Variants in DIP2A observed in about 807,000 individuals in gnomAD.
DIP2A encodes the protein DIP2 acetate--CoA ligase A.
In DIP2A, 85 loss-of-function variants were observed where a neutral mutation model predicts 177.4. That is an observed-to-expected ratio of 0.48 (90% CI 0.40 to 0.57). The LOEUF (loss-of-function observed/expected upper bound fraction) is 0.57, where lower values mean the gene tolerates loss of function less well. Ranked by LOEUF, DIP2A falls within the 20% of genes least tolerant of loss-of-function variation. The pLI is 0.00. For synonymous variants in DIP2A, 886 were observed against 881.8 expected (o/e 1.00, Z -0.08); for missense variants, 1,791 against 2,100.2 (o/e 0.85, Z 2.88).
intron 25 of DIP2A, 168 bp from the exon 26 acceptor site, chr21:46,554,001 C>CA (rs2060363540): frequency 1.4e-4 from 128 of 892,452 alleles, no homozygotes; most frequent in Non-Finnish European, 1.6e-4. Flanking sequence ...CCATCTCTAC[C>CA]AAAAAAAAGA....
chr21:46,572,972 C>T (rs965773382), downstream of DIP2A, among the ~76,000 whole-genome samples: 1 of 151,994 alleles, frequency 6.6e-6, no homozygotes, highest in Non-Finnish European at 1.5e-5. Flanking sequence ...TATCATATAG[C>T]CTAGGTGTGT....
intron 8 of DIP2A, among the ~76,000 whole-genome samples, chr21:46,527,016 T>TAAGTTTGTTTCTTAA (rs201811008): frequency 0.019 from 2,884 of 152,288 alleles, 84 homozygotes; most frequent in African/African-American, 0.065. Flanking sequence ...TGTTTCCTTT[T>TAAGTTTGTTTCTTAA]ATTCTGAGTT....
chr21:46,552,802 T>C (rs796957324), intron 25 of DIP2A: 3 of 152,334 alleles, frequency 2.0e-5, no homozygotes, highest in African/African-American at 7.2e-5. Context: ...TCTAGAACCA[T>C]GCCCAGTAAA....
At chr21:46,582,682 A>T in the DIP2A span, among the ~76,000 whole-genome samples, 1 of 151,688 alleles carries the variant, frequency 6.6e-6, no homozygotes, top group African/African-American at 2.4e-5. Flanking sequence ...CCTCAGCTGA[A>T]GGTGCAGGAT....
intron 23 of DIP2A, among the ~76,000 whole-genome samples, chr21:46,551,392 G>A (rs1270180302): frequency 3.3e-5 from 5 of 152,082 alleles, no homozygotes; most frequent in Admixed American, 6.5e-5. Context: ...AGGCCAAATC[G>A]TATCCTCTGA....
rs116065966 is a variant in DIP2A at position 46,474,311 on chromosome 21, T to C, written c.92-10446T>C. Among the ~76,000 whole-genome samples the C allele has an allele frequency of 1.8e-3, 275 of 152,282 alleles. 1 individual carries two copies. Among genetic ancestry groups the C allele is most frequent in the African/African-American group, 6.3e-3 (261 of 41,548 alleles). On this transcript the variant is annotated intron_variant, in intron 1 of 37. Coordinates refer to ENST00000417564, the MANE Select transcript of DIP2A (RefSeq NM_015151.4). ...TTGGATATATGAGTCTAGTACTTTC[T>C]AGAAAGGGCTAGGCTAGTAATTTGG...
intron 3 of DIP2A, among the ~76,000 whole-genome samples, chr21:46,495,248 C>CTTCTCTTCTCTTCTCTTCTT (rs1470078371): frequency 3.9e-5 from 3 of 77,560 alleles, no homozygotes; most frequent in African/African-American, 8.0e-5. Flanking sequence ...TCTTCTTTCT[C>CTTCTCTTCTCTTCTCTTCTT]TCTCTCTCTC....
rs117694334 is a variant in DIP2A, at chr21:46,461,766, A to G, written c.91+2544A>G. On this transcript the variant is annotated intron_variant, in intron 1 of 37. Transcript: ENST00000417564. ...TTAAGCTGAGAAAGGGGGTAAACAA[A>G]AAAAGTATTGAGCCCAGAAATGGTG... Among the ~76,000 whole-genome samples, 149 of 152,272 alleles carry G rather than the reference A, an allele frequency of 9.8e-4. 2 individuals carry two copies. The East Asian group carries it at 0.025, about 25-fold the overall frequency.
intron 7 of DIP2A, 78 bp downstream of exon 7, chr21:46,509,454 A>G (rs1460744192): frequency 1.8e-5 from 28 of 1,513,596 alleles, no homozygotes; most frequent in Non-Finnish European, 2.3e-5. Flanking sequence ...AGGCAAATGT[A>G]TATTATACAT....
chr21:46,514,466 AGTTATCTCACTAAGTT>A lies in DIP2A; in HGVS notation c.1102+2853_1102+2868del, dbSNP rs1601610360. ...AAAAAAAAATGATGACTTTGTATCC[AGTTATCTCACTAAGTT>A]AACTTATTAGTTCTTTGTTTACTCA... is the stretch of plus-strand genomic sequence containing the variant. On this transcript the variant is annotated intron_variant, in intron 8 of 37. Coordinates refer to ENST00000417564, the MANE Select transcript of DIP2A (RefSeq NM_015151.4). 2.0e-5 allele frequency among the ~76,000 whole-genome samples: 3 copies of A among 151,970 alleles called. No individual in the cohort carries two copies. The East Asian group carries it at 5.8e-4, about 29-fold the overall frequency.
In DIP2A at chr21:46,490,715, G is replaced by T. The variant is rs557702816; in HGVS notation, c.279G>T (p.Arg93=). 4.5e-6 allele frequency: 7 copies of T among 1,572,882 alleles called. No individual in the cohort carries two copies. In the Admixed American group the frequency reaches 5.6e-5, roughly 13 times the overall value. ...CCGCCTCGAGGGATGAGCGCTTCCG[G>T]TCAGGTAGGGTCACAGCCTAGGCAG... is the stretch of plus-strand genomic sequence containing the variant. The part of the protein sequence containing the change: ...RPTASRDERF[R]SDVHTEAVQA... The change falls in exon 3 of 38, where the codon CGG becomes CGT. Residue 93 remains arginine, a synonymous_variant. Transcript: ENST00000417564.
rs377064083 is a variant in DIP2A, at chr21:46,566,563, G to A, written c.4343G>A (p.Arg1448Gln). 4.1e-5 allele frequency: 66 copies of A among 1,613,922 alleles called. No homozygotes were observed. In the South Asian group the frequency reaches 4.2e-4, roughly 10 times the overall value. The change falls in exon 37 of 38, where the codon CGG becomes CAG. Residue 1448 changes from arginine (R) to glutamine (Q), a missense_variant. Physicochemically the swap from Arg to Gln is conservative, Grantham distance 43 (BLOSUM62 1). Coordinates refer to ENST00000417564, the MANE Select transcript of DIP2A (RefSeq NM_015151.4). ...TGTAAACACACACTGTTCACAGGGCGGCACGATGCACTGTATGTGGTTGGG... is the reference window on the plus strand; with the variant it reads ...TGTAAACACACACTGTTCACAGGGCAGCACGATGCACTGTATGTGGTTGGG... ...RTELTDASGGRHDALYVVGSL... is the reference protein window; with the variant it reads ...RTELTDASGGQHDALYVVGSL...
At chr21:46,531,022 A>G (rs527568421) in intron 9 of DIP2A, among the ~76,000 whole-genome samples, 1 of 152,292 alleles carries the variant, frequency 6.6e-6, no homozygotes, top group African/African-American at 2.4e-5. Context: ...TTTGGCTCGC[A>G]AGCACTTTCT....
In DIP2A at chr21:46,511,410, C is replaced by T. The variant is rs2058306544; in HGVS notation, c.905-7C>T. On this transcript the variant is annotated splice_polypyrimidine_tract_variant and splice_region_variant and intron_variant, in intron 7 of 37. Coordinates refer to ENST00000417564, the MANE Select transcript of DIP2A (RefSeq NM_015151.4). ...TGCTGATTTTAAAGTTTTGATTTTG[C>T]TTGTAGTTCAGCAACCAGATCCAAA... 1 of 1,601,950 alleles carries T rather than the reference C, an allele frequency of 6.2e-7. No individual in the cohort carries two copies.
intron 5 of DIP2A, among the ~76,000 whole-genome samples, chr21:46,502,693 C>T (rs1251615999): frequency 6.6e-6 from 1 of 152,002 alleles, no homozygotes; most frequent in Non-Finnish European, 1.5e-5. Flanking sequence ...GCTGATCTGC[C>T]CGCCTTGACC....
intron 34 of DIP2A, among the ~76,000 whole-genome samples, chr21:46,562,319 C>T (rs2060693599): frequency 6.6e-6 from 1 of 152,228 alleles, no homozygotes. Flanking sequence ...AGGCACAGAA[C>T]AGCATCCTCT....
At position 46,556,878 on chromosome 21, in the gene DIP2A, A is replaced by G; in HGVS notation, c.3499-61A>G. Reference sequence around the variant, plus strand: ...ATGTGAACAGCGGACACTGCCATCCACCCTCTCCCCTCCTGAATTTCATTT... The same window carrying G: ...ATGTGAACAGCGGACACTGCCATCCGCCCTCTCCCCTCCTGAATTTCATTT... On this transcript the variant is annotated intron_variant, in intron 29 of 37. Transcript: ENST00000417564. The surrounding 1 kb of genome is among the most constrained non-coding windows in gnomAD (Gnocchi z 4.5). The G allele has an allele frequency of 4.4e-6, 6 of 1,376,406 alleles. No homozygotes were observed. The highest frequency in any genetic ancestry group is 2.5e-5 in the East Asian group (1 of 39,616). The allele number at this position is 1,376,406 out of a possible 1,614,324, so 85.3% of individuals were successfully genotyped here.
Position 46,504,459 on chromosome 21 carries a change from T to TGCA in DIP2A, c.757_759dup (p.Ser253dup). ...TTCTGTGAGAAGTGTTCCTCGGGGG[T>TGCA]GCAGCGGGAGCATGCTGGAAACAGC... On this transcript the variant is annotated inframe_insertion, in exon 6 of 38. Transcript: ENST00000417564. 1 of 1,612,546 alleles carries TGCA rather than the reference T, an allele frequency of 6.2e-7. No individual in the cohort carries two copies. The highest frequency in any genetic ancestry group is 1.7e-5 in the Admixed American group (1 of 59,956).
intron 6 of DIP2A, among the ~76,000 whole-genome samples, chr21:46,508,042 A>G (rs1023270673): frequency 4.5e-5 from 6 of 134,218 alleles, no homozygotes; most frequent in African/African-American, 1.6e-4. Context: ...CCAGCCCCCC[A>G]TTTTTTTTTT....
Sources: gnomAD v4.1 joint callset for allele counts (sites outside exome capture counted in the v4.1 genomes callset) on GRCh38, gnomAD v4.1.1 for gene constraint, Gnocchi (gnomAD v3.1) non-coding constraint, MANE v1.5 for transcripts, NCBI Gene and HGNC (gene_info 2026-07-23, HGNC 2026-07-21) for gene names.